The following LIMS1 variants were observed in gnomAD, a reference collection of about 807,000 sequenced individuals.
LIMS1 encodes LIM and senescent cell antigen-like-containing domain protein 1.
Under a neutral mutation model 44.1 loss-of-function variants are expected in LIMS1, and 18 were observed. The ratio of observed to expected loss-of-function variants is 0.41; its 90% confidence interval spans 0.28 to 0.61. The LOEUF is 0.61. Among genes scored for constraint, LIMS1 ranks in the 20% least tolerant of loss-of-function variants. The pLI, the probability that LIMS1 is intolerant of heterozygous loss-of-function variation, is 0.32. For synonymous variants in LIMS1, 93 were observed against 149.1 expected (o/e 0.62, Z 2.74); for missense variants, 201 against 422.0 (o/e 0.48, Z 4.59).
intron 1 of LIMS1, among the ~76,000 whole-genome samples, chr2:108,551,471 A>AAT (rs1684692401): frequency 7.6e-6 from 1 of 131,942 alleles, no homozygotes; most frequent in African/African-American, 2.8e-5. Flanking sequence ...CACACTCTAT[A>AAT]TACATATATG....
intron 1 of LIMS1, among the ~76,000 whole-genome samples, chr2:108,611,507 T>C (rs1048983129): frequency 6.6e-6 from 1 of 152,124 alleles, no homozygotes; most frequent in Non-Finnish European, 1.5e-5. Flanking sequence ...TCTCATTACA[T>C]TTTGAGGTAT....
At position 108,610,851 on chromosome 2, in the gene LIMS1, A is replaced by G. The variant is rs145772365; in HGVS notation, c.33-48754A>G. Among the ~76,000 whole-genome samples the G allele has an allele frequency of 1.2e-3, 177 of 152,340 alleles. 1 individual carries two copies. In the East Asian group the frequency reaches 0.033, roughly 28 times the overall value. On this transcript the variant is annotated intron_variant, in intron 1 of 9. Coordinates refer to ENST00000544547, the Ensembl canonical transcript of LIMS1. ...TAGAATTAAAGTTTTGAATTTTTAA[A>G]ATAAACCTTATTTTGGAATAATTTT...
chr2:108,628,839 G>C (rs562349106), intron 1 of LIMS1, among the ~76,000 whole-genome samples: 85 of 152,262 alleles, frequency 5.6e-4, no homozygotes, highest in Admixed American at 3.0e-3. Context: ...CTGAGACAGG[G>C]TCTTGCTCTA....
chr2:108,567,976 C>A (rs757680782), intron 1 of LIMS1, among the ~76,000 whole-genome samples: 6 of 152,204 alleles, frequency 3.9e-5, no homozygotes, highest in Non-Finnish European at 7.3e-5. Flanking sequence ...CCATTTTGAC[C>A]TCTGTCACTC....
chr2:108,661,302 G>A (rs529679672), intron 2 of LIMS1, among the ~76,000 whole-genome samples: 2 of 149,984 alleles, frequency 1.3e-5, no homozygotes, highest in East Asian at 2.0e-4. Context: ...CTTAGCAGTG[G>A]AAAGAGGTTT....
chr2:108,586,198 C>CA (rs113255390), intron 1 of LIMS1, among the ~76,000 whole-genome samples: 1,885 of 145,114 alleles, frequency 0.013, 43 homozygotes, highest in African/African-American at 0.045. Context: ...TCTCAAAACA[C>CA]AAAAAAAAAC....
intron 1 of LIMS1, among the ~76,000 whole-genome samples, chr2:108,616,227 T>C (rs1039800704): frequency 4.0e-5 from 5 of 126,492 alleles, no homozygotes; most frequent in Non-Finnish European, 8.1e-5. Flanking sequence ...TTTTTGGATA[T>C]AGGGGTCTTA....
At chr2:108,563,790 A>G (rs1685202278) in intron 1 of LIMS1, among the ~76,000 whole-genome samples, 1 of 152,152 alleles carries the variant, frequency 6.6e-6, no homozygotes. Flanking sequence ...CCAGGCGCAT[A>G]GCTCATGCCT....
At chr2:108,540,464 C>G (rs1684281874) in intron 1 of LIMS1, among the ~76,000 whole-genome samples, 1 of 152,132 alleles carries the variant, frequency 6.6e-6, no homozygotes, top group African/African-American at 2.4e-5. Context: ...TCCCAAAGTG[C>G]TGGGATTACA....
chr2:108,684,178 A>G, exon 10 of LIMS1: 1 of 377,018 alleles, frequency 2.7e-6, no homozygotes, highest in Non-Finnish European at 4.8e-6. Context: ...TAAAACACAA[A>G]TGAAGTCAGT....
chr2:108,640,361 C>T (rs191805976), intron 1 of LIMS1, among the ~76,000 whole-genome samples: 63 of 152,346 alleles, frequency 4.1e-4, no homozygotes, highest in Admixed American at 4.1e-3. Flanking sequence ...AAACAAGCCA[C>T]CACATAGGTC....
chr2:108,581,503 A>G (rs1685883906), intron 1 of LIMS1, among the ~76,000 whole-genome samples: 1 of 152,074 alleles, frequency 6.6e-6, no homozygotes, highest in Admixed American at 6.6e-5. Flanking sequence ...ACTCAAATAA[A>G]CTCTTTAAAA....
At chr2:108,577,396 T>G (rs1000907817) in intron 1 of LIMS1, among the ~76,000 whole-genome samples, 5 of 152,202 alleles carry the variant, frequency 3.3e-5, no homozygotes, top group African/African-American at 4.8e-5. Flanking sequence ...TTGCAATATG[T>G]TTTGTGTGTA....
intron 1 of LIMS1, among the ~76,000 whole-genome samples, chr2:108,557,127 G>C (rs1684949849): frequency 1.3e-5 from 2 of 152,116 alleles, no homozygotes; most frequent in Non-Finnish European, 2.9e-5. Flanking sequence ...TCCCAGGCTA[G>C]AGTGCAGTAG....
exon 10 of LIMS1, chr2:108,686,227 G>C (rs1693291641): frequency 6.6e-6 from 1 of 152,012 alleles, no homozygotes; most frequent in Admixed American, 6.6e-5. Context: ...GCTGAGGCAG[G>C]AGAATGGTGG....
chr2:108,588,486 G>A (rs1335782117), intron 1 of LIMS1: 1 of 985,574 alleles, frequency 1.0e-6, no homozygotes, highest in African/African-American at 1.7e-5. Context: ...TAAGAGAAGG[G>A]GAGCTGGAGG....
intron 9 of LIMS1, chr2:108,681,756 CA>C (rs1267520800): frequency 0.013 from 2,226 of 168,846 alleles, no homozygotes; most frequent in Middle Eastern, 0.023. Flanking sequence ...CCCCATCCGT[CA>C]AAAAAAAAAA....
intron 2 of LIMS1, chr2:108,662,086 C>T: frequency 6.7e-7 from 1 of 1,489,842 alleles, no homozygotes; most frequent in Non-Finnish European, 9.2e-7. Flanking sequence ...TCCAGGGGAG[C>T]AATAGAGAAG....
intron 6 of LIMS1, 119 bp from the exon 7 acceptor site, chr2:108,676,487 A>G: frequency 1.6e-6 from 2 of 1,263,006 alleles, no homozygotes; most frequent in Non-Finnish European, 2.2e-6. Context: ...CTATGGCCAA[A>G]TGAAATGACT....
Sources: gnomAD v4.1 joint callset for allele counts (sites outside exome capture counted in the v4.1 genomes callset) on GRCh38, gnomAD v4.1.1 for gene constraint, MANE v1.5 for transcripts, NCBI Gene and HGNC (gene_info 2026-07-23, HGNC 2026-07-21) for gene names.